BRF1: variants seen among roughly 807,000 people sequenced by gnomAD.
BRF1 encodes the protein BRF1 general transcription factor IIIB subunit, also known as transcription factor IIIB 90 kDa subunit.
BRF1 carries 59 observed loss-of-function variants against 81.7 expected under a neutral mutation model. The observed-to-expected ratio is 0.72, with a 90% CI of 0.59 to 0.90. BRF1 has a LOEUF of 0.90. Among genes scored for constraint, BRF1 ranks in the 40% least tolerant of loss-of-function variants. The pLI, the probability that BRF1 is intolerant of heterozygous loss-of-function variation, is 0.00. For synonymous variants in BRF1, 491 were observed against 395.6 expected (o/e 1.24, Z -2.86); for missense variants, 1,050 against 936.3 (o/e 1.12, Z -1.58).
At position 105,220,028 on chromosome 14, in the gene BRF1, CCCAAGCCCAG is replaced by C. The variant is rs772745209; in HGVS notation, c.1377+31_1377+40del. 4.4e-6 allele frequency: 7 copies of C among 1,606,816 alleles called. No homozygotes were observed. In the African/African-American group the frequency reaches 8.0e-5, roughly 18 times the overall value. Reference sequence around the variant, plus strand: ...AGGGCTCCTTGGGCTGCAGCGCCCTCCCAAGCCCAGCCCCTCTTGGGAAGGGGTGCTGCCA... The same window carrying C: ...AGGGCTCCTTGGGCTGCAGCGCCCTCCCCCTCTTGGGAAGGGGTGCTGCCA... On this transcript the variant is annotated intron_variant, in intron 12 of 17. Coordinates refer to ENST00000547530, the MANE Select transcript of BRF1 (RefSeq NM_001519.4).
chr14:105,313,357 C>CA (rs2058404725), intron 1 of BRF1, among the ~76,000 whole-genome samples: 1 of 152,190 alleles, frequency 6.6e-6, no homozygotes, highest in Non-Finnish European at 1.5e-5. Flanking sequence ...TACCCTGTCT[C>CA]AAAGGTATGA....
chr14:105,312,582 C>G (rs918210061), intron 1 of BRF1, among the ~76,000 whole-genome samples: 1 of 152,234 alleles, frequency 6.6e-6, no homozygotes, highest in Non-Finnish European at 1.5e-5. Context: ...ATGCCAGGGT[C>G]ATAGCATGGG....
At chr14:105,222,084 CGCGGAAGTTA>C in intron 10 of BRF1, 170 bp from the exon 11 acceptor site, 1 of 743,390 alleles carries the variant, frequency 1.3e-6, no homozygotes, top group Non-Finnish European at 2.0e-6. Context: ...TCGCACTGCA[CGCGGAAGTTA>C]GCTCAAAGCA....
intron 1 of BRF1, among the ~76,000 whole-genome samples, chr14:105,310,011 C>T (rs1294297365): frequency 6.6e-6 from 1 of 151,434 alleles, no homozygotes. Flanking sequence ...GTTTTGAACT[C>T]CTGACCTGGA....
At chr14:105,248,997 CCGCCGCCCGCGCCCG>C (rs1383513356) in intron 5 of BRF1, 5 of 1,011,752 alleles carry the variant, frequency 4.9e-6, no homozygotes, top group South Asian at 4.5e-5. Flanking sequence ...GCCAGCGCCG[CCGCCGCCCGCGCCCG>C]CGCCGCCCAC....
chr14:105,267,975 T>C (rs1178224282), intron 3 of BRF1, among the ~76,000 whole-genome samples: 3 of 149,202 alleles, frequency 2.0e-5, no homozygotes, highest in Admixed American at 6.6e-5. Flanking sequence ...AGGCACGCCA[T>C]GGAGGCTGAG....
chr14:105,248,968 G>C, intron 5 of BRF1: 1 of 980,484 alleles, frequency 1.0e-6, no homozygotes, highest in Non-Finnish European at 1.2e-6. Flanking sequence ...GGGCCGCGCA[G>C]CCCGCCCAGC....
chr14:105,281,539 G>A (rs1178194689), intron 2 of BRF1, among the ~76,000 whole-genome samples: 1 of 150,932 alleles, frequency 6.6e-6, no homozygotes, highest in Non-Finnish European at 1.5e-5. Context: ...CAGAGCCTGC[G>A]TGATCCTGAG....
At chr14:105,256,324 CA>C in intron 4 of BRF1, 193 bp downstream of exon 4, 1 of 1,549,672 alleles carries the variant, frequency 6.5e-7, no homozygotes. Context: ...CACACTCCCA[CA>C]AGTCTCGGAC....
At chr14:105,226,505 G>T (rs1893121235) in intron 8 of BRF1, 129 bp downstream of exon 8, 2 of 1,524,202 alleles carry the variant, frequency 1.3e-6, no homozygotes, top group Non-Finnish European at 1.8e-6. Flanking sequence ...GCTCTGGCTG[G>T]TCATAGCACT....
chr14:105,225,422 C>T (rs941527770), intron 10 of BRF1, among the ~76,000 whole-genome samples: 1 of 152,152 alleles, frequency 6.6e-6, no homozygotes, highest in Non-Finnish European at 1.5e-5. Context: ...CGCTTATACC[C>T]CCTCCCTTTG....
At chr14:105,254,271 T>G (rs1336595277) in intron 4 of BRF1, among the ~76,000 whole-genome samples, 2 of 152,126 alleles carry the variant, frequency 1.3e-5, no homozygotes, top group African/African-American at 2.4e-5. Flanking sequence ...GTTTGTTTGT[T>G]TTTGAGACGG....
intron 14 of BRF1, among the ~76,000 whole-genome samples, chr14:105,218,672 G>C (rs1166793732): frequency 2.0e-5 from 3 of 152,246 alleles, no homozygotes; most frequent in Non-Finnish European, 4.4e-5. Flanking sequence ...CAGGGCGTCA[G>C]AAGAGCAAAC....
chr14:105,305,395 C>G (rs985520921), upstream of BRF1, among the ~76,000 whole-genome samples: 1 of 151,982 alleles, frequency 6.6e-6, no homozygotes, highest in African/African-American at 2.4e-5. Flanking sequence ...GATTGAGAAC[C>G]TGTCTCAAAG....
At chr14:105,219,460 C>A in intron 12 of BRF1, 1 of 927,508 alleles carries the variant, frequency 1.1e-6, no homozygotes, top group Non-Finnish European at 1.6e-6. Context: ...ATGTGTGAGA[C>A]CCCCTAGGGC....
intron 3 of BRF1, among the ~76,000 whole-genome samples, chr14:105,264,652 A>G (rs1471073151): frequency 7.1e-6 from 1 of 140,998 alleles, no homozygotes; most frequent in Non-Finnish European, 1.5e-5. Flanking sequence ...GGGTGACAGA[A>G]TGAGACTCCA....
chr14:105,210,767 C>T lies in BRF1; in HGVS notation c.1997-179G>A, dbSNP rs1487992093. On this transcript the variant is annotated intron_variant, in intron 17 of 17. Transcript: ENST00000547530. This position sits in a 1 kb window ranked among gnomAD's most constrained non-coding sequence, Gnocchi z 4.7. The stretch of plus-strand genomic sequence containing the variant: ...CTCTCCACCTCCCGGGACTGGCATG[C>T]ACCCAGAGCAGGGCCTTGCTCCTCG... 6.6e-6 allele frequency among the ~76,000 whole-genome samples: 1 copy of T among 152,046 alleles called. No individual in the cohort carries two copies. The highest frequency in any genetic ancestry group is 1.5e-5 in the Non-Finnish European group (1 of 68,002).
At chr14:105,286,423 A>G in intron 1 of BRF1, 47 bp from the exon 2 acceptor site, 6 of 1,556,208 alleles carry the variant, frequency 3.9e-6, no homozygotes, top group Non-Finnish European at 5.3e-6. Context: ...GGAGATCTGC[A>G]TTTACAACCC....
At chr14:105,218,277 A>C (rs1163149263) in intron 14 of BRF1, among the ~76,000 whole-genome samples, 1 of 152,102 alleles carries the variant, frequency 6.6e-6, no homozygotes, top group Non-Finnish European at 1.5e-5. Context: ...GGAGCCATAG[A>C]CCACTTCAGG....
Sources: allele counts gnomAD v4.1 joint callset (sites outside exome capture counted in the v4.1 genomes callset), GRCh38; gene constraint gnomAD v4.1.1; non-coding constraint Gnocchi (gnomAD v3.1); transcripts MANE v1.5; gene names NCBI Gene and HGNC (gene_info 2026-07-23, HGNC 2026-07-21).